The following DARS1 variants were observed in gnomAD, a reference collection of about 807,000 sequenced individuals.
The protein encoded by DARS1 is aspartate--tRNA ligase, cytoplasmic.
DARS1 carries 51 observed loss-of-function variants against 68.8 expected under a neutral mutation model. That is an observed-to-expected ratio of 0.74 (90% CI 0.59 to 0.94). DARS1 has a LOEUF of 0.94. Ranked by LOEUF, DARS1 falls within the 40% of genes least tolerant of loss-of-function variation. The pLI is 0.00. For synonymous variants in DARS1, 203 were observed against 190.4 expected, an observed-to-expected ratio of 1.07 and a Z score of -0.55; for missense variants, 607 against 597.3, an observed-to-expected ratio of 1.02 and a Z score of -0.17.
intron 12 of DARS1, among the ~76,000 whole-genome samples, chr2:135,913,616 G>A (rs2104794498): frequency 6.6e-6 from 1 of 152,164 alleles, no homozygotes; most frequent in African/African-American, 2.4e-5. Flanking sequence ...AAATTAGTTG[G>A]GTGTGGTGGT....
At chr2:135,942,208 C>G (rs1391651279) in intron 5 of DARS1, among the ~76,000 whole-genome samples, 2 of 152,004 alleles carry the variant, frequency 1.3e-5, no homozygotes, top group Admixed American at 1.3e-4. Flanking sequence ...TGCACACGTA[C>G]GTTTATTGCG....
intron 7 of DARS1, among the ~76,000 whole-genome samples, chr2:135,929,349 A>T (rs1681292606): frequency 6.6e-6 from 1 of 152,114 alleles, no homozygotes; most frequent in Non-Finnish European, 1.5e-5. Flanking sequence ...AGCATTTCTT[A>T]AACTTGTCTT....
intron 4 of DARS1, among the ~76,000 whole-genome samples, chr2:135,947,866 G>A (rs1002653978): frequency 3.3e-5 from 5 of 150,712 alleles, no homozygotes; most frequent in African/African-American, 1.2e-4. Context: ...GAAAATAATA[G>A]GCCCTTTAGT....
At chr2:135,946,869 T>A (rs2104822169) in intron 4 of DARS1, among the ~76,000 whole-genome samples, 1 of 152,158 alleles carries the variant, frequency 6.6e-6, no homozygotes, top group East Asian at 1.9e-4. Context: ...TGCAAACTCA[T>A]CTCCTAGGTT....
chr2:135,913,107 C>T (rs145921615), intron 12 of DARS1, among the ~76,000 whole-genome samples: 19 of 150,588 alleles, frequency 1.3e-4, no homozygotes, highest in Non-Finnish European at 2.1e-4. Flanking sequence ...TTCTAAATTA[C>T]ACTTTGATAA....
rs140998882 is a variant in DARS1, at chr2:135,981,167, G to A, written c.125-1801C>T. 5.1e-4 allele frequency among the ~76,000 whole-genome samples: 77 copies of A among 152,290 alleles called. 2 individuals are homozygous for A. In the Middle Eastern group the frequency reaches 0.01, roughly 20 times the overall value. ...TATCTTTCTCTCTAAGTGGAAGAAC[G>A]CAACTGTCTGTGGATTTGCCAGCAA... On this transcript the variant is annotated intron_variant, in intron 2 of 15. Coordinates refer to ENST00000264161, the MANE Select transcript of DARS1 (RefSeq NM_001349.4).
chr2:135,978,662 A>G (rs1682554434), intron 3 of DARS1, among the ~76,000 whole-genome samples: 1 of 152,198 alleles, frequency 6.6e-6, no homozygotes, highest in Admixed American at 6.5e-5. Context: ...TTGAGGCTAA[A>G]TTTTTAGCAC....
chr2:135,932,841 T>C lies in DARS1; in HGVS notation c.506A>G (p.Glu169Gly). ...ATCCTGGTTAACAGTAGCTCTTCCTTCCTAAAAAAAAAAAAAAAGAAAAGA... is the reference window on the plus strand; with the variant it reads ...ATCCTGGTTAACAGTAGCTCTTCCTCCCTAAAAAAAAAAAAAAAGAAAAGA... ...AVRPEAEGEE[E>G]GRATVNQDTR... The change falls in exon 7 of 16, where the codon GAA becomes GGA. Residue 169 changes from glutamate to glycine, a missense_variant and splice_region_variant. Coordinates refer to ENST00000264161, the MANE Select transcript of DARS1 (RefSeq NM_001349.4). 8.4e-7 allele frequency: 1 copy of C among 1,192,226 alleles called. No individual in the cohort carries two copies. The highest frequency in any genetic ancestry group is 1.2e-6 in the Non-Finnish European group (1 of 856,620). The allele number at this position is 1,192,226 out of a possible 1,614,324, so 73.9% of individuals were successfully genotyped here.
chr2:135,962,934 T>C (rs1259585852), intron 3 of DARS1, among the ~76,000 whole-genome samples: 1 of 152,310 alleles, frequency 6.6e-6, no homozygotes, highest in Middle Eastern at 3.4e-3. Context: ...CACACGACAG[T>C]GCTAGGCTAA....
chr2:135,957,877 A>C (rs1682014237), intron 4 of DARS1, among the ~76,000 whole-genome samples: 1 of 152,196 alleles, frequency 6.6e-6, no homozygotes, highest in Admixed American at 6.5e-5. Context: ...AATAGAAATA[A>C]ATTTTTAAAT....
At chr2:135,939,346 T>C (rs1035773554) in intron 5 of DARS1, among the ~76,000 whole-genome samples, 4 of 152,136 alleles carry the variant, frequency 2.6e-5, no homozygotes, top group African/African-American at 9.7e-5. Context: ...GAACTCAGGA[T>C]TAAGAAACTC....
At chr2:135,954,325 CAAAAA>C (rs1172207033) in intron 4 of DARS1, among the ~76,000 whole-genome samples, 2 of 81,478 alleles carry the variant, frequency 2.5e-5, no homozygotes, top group Admixed American at 1.3e-4. Context: ...AAAACAAAAC[CAAAAA>C]AAAAAAAAAA....
intron 4 of DARS1, among the ~76,000 whole-genome samples, chr2:135,958,836 A>G (rs1682035567): frequency 6.6e-6 from 1 of 152,186 alleles, no homozygotes; most frequent in Admixed American, 6.5e-5. Flanking sequence ...CCTATTGTAT[A>G]AAATTGGCTC....
At chr2:135,909,969 A>G (rs750700410) in intron 15 of DARS1, among the ~76,000 whole-genome samples, 2 of 152,192 alleles carry the variant, frequency 1.3e-5, no homozygotes, top group African/African-American at 2.4e-5. Flanking sequence ...TGCAAATATG[A>G]TAACAAATGA....
chr2:135,957,252 G>C (rs576416528), intron 4 of DARS1, among the ~76,000 whole-genome samples: 2 of 151,534 alleles, frequency 1.3e-5, no homozygotes, highest in African/African-American at 4.8e-5. Context: ...TTTTGAGACG[G>C]AGTCTCGCTC....
intron 5 of DARS1, among the ~76,000 whole-genome samples, chr2:135,937,111 T>TG (rs1176113664): frequency 2.0e-5 from 3 of 152,040 alleles, no homozygotes; most frequent in Admixed American, 6.5e-5. Context: ...GTTGTTGAGA[T>TG]GGGGTCTCAC....
At chr2:135,954,732 G>A (rs1681926676) in intron 4 of DARS1, among the ~76,000 whole-genome samples, 1 of 152,072 alleles carries the variant, frequency 6.6e-6, no homozygotes. Flanking sequence ...CACATGCAAC[G>A]AGTCTGGTAT....
chr2:135,964,578 C>T (rs13388887), intron 3 of DARS1, among the ~76,000 whole-genome samples: 3,487 of 152,174 alleles, frequency 0.023, 114 homozygotes, highest in African/African-American at 0.079. Context: ...TGTTGGCTCA[C>T]GCCTGTAATC....
At chr2:135,909,158 A>G (rs1186141797) in intron 15 of DARS1, among the ~76,000 whole-genome samples, 1 of 152,190 alleles carries the variant, frequency 6.6e-6, no homozygotes, top group African/African-American at 2.4e-5. Flanking sequence ...GGACAGCATT[A>G]GGAAAAAGAG....
Sources: gnomAD v4.1 joint callset for allele counts (sites outside exome capture counted in the v4.1 genomes callset) on GRCh38, gnomAD v4.1.1 for gene constraint, MANE v1.5 for transcripts, NCBI Gene and HGNC (gene_info 2026-07-23, HGNC 2026-07-21) for gene names.